Variants in MTCL1 observed in about 807,000 individuals in gnomAD.
MTCL1 encodes the protein microtubule cross-linking factor 1.
Under a neutral mutation model 141.4 loss-of-function variants are expected in MTCL1, and 79 were observed. The observed-to-expected ratio is 0.56, with a 90% CI of 0.47 to 0.67. MTCL1 has a LOEUF of 0.67. Ranked by LOEUF, MTCL1 falls within the 30% of genes least tolerant of loss-of-function variation. The probability of loss-of-function intolerance (pLI) is 0.00; values close to 1 mark genes in which losing one functional copy is unlikely to be tolerated. For missense variants in MTCL1, 2,177 were observed against 2,113.9 expected, an observed-to-expected ratio of 1.03 and a Z score of -0.59; for synonymous variants, 914 against 875.8, an observed-to-expected ratio of 1.04 and a Z score of -0.77.
At chr18:8,805,647 G>T (rs149590846) in intron 10 of MTCL1, among the ~76,000 whole-genome samples, 5 of 152,286 alleles carry the variant, frequency 3.3e-5, no homozygotes, top group Non-Finnish European at 7.4e-5. Flanking sequence ...GGGAGGAGAG[G>T]TTTATCAAGT....
intron 7 of MTCL1, 43 bp downstream of exon 6, chr18:8,786,134 CT>C: frequency 6.5e-7 from 1 of 1,529,130 alleles, no homozygotes; most frequent in Non-Finnish European, 8.8e-7. Context: ...CCTCCCCCTC[CT>C]TTTTCTGTGT....
rs117653555 is a variant in MTCL1, at chr18:8,811,612, T to G, written c.2605-1367T>G. On this transcript the variant is annotated intron_variant, in intron 11 of 16. Coordinates refer to ENST00000359865, the Ensembl canonical transcript of MTCL1. ...ATCAGCTATGAATTATTTTAGTGGG[T>G]CTTGAAGTAACTCATTTTAAGAAAG... is the stretch of plus-strand genomic sequence containing the variant. 1.6e-3 allele frequency among the ~76,000 whole-genome samples: 248 copies of G among 152,258 alleles called. 6 individuals carry two copies. The East Asian group carries it at 0.04, about 25-fold the overall frequency.
intron 3 of MTCL1, among the ~76,000 whole-genome samples, chr18:8,719,746 T>C (rs1025184797): frequency 1.3e-5 from 2 of 152,048 alleles, no homozygotes; most frequent in Admixed American, 1.3e-4. Flanking sequence ...ATTTTTATAA[T>C]TTTTTTAGAG....
rs910065756 is a variant in MTCL1 at position 8,706,456 on chromosome 18, C to T, written c.796C>T (p.Pro266Ser). Residue 266 changes from proline (P) to serine (S), a missense_variant, in exon 1 of 14, where the codon CCC (proline) becomes TCC (serine). By Grantham distance (74) the Pro-to-Ser change is moderately conservative (BLOSUM62 -1). Transcript: ENST00000306329. ...AGGAGCGCCGCCGGGCAGCCCCGAG[C>T]CCCCAGCGCTCCTCGCCGCGCCCCT... is the stretch of plus-strand genomic sequence containing the variant. 9 of 1,236,300 alleles carry T rather than the reference C, an allele frequency of 7.3e-6. No individual in the cohort carries two copies. The African/African-American group carries it at 9.4e-5, about 13-fold the overall frequency. The allele number at this position is 1,236,300 out of a possible 1,614,324, so 76.6% of individuals were successfully genotyped here. A position where few individuals can be genotyped will look rare whatever the true frequency, so the allele number is the denominator to read the frequency against.
intron 12 of MTCL1, among the ~76,000 whole-genome samples, chr18:8,817,975 C>T (rs117471417): frequency 2.1e-3 from 318 of 152,294 alleles, no homozygotes; most frequent in Non-Finnish European, 3.5e-3. Context: ...GGAGGCCGTG[C>T]GCCCTGCAAG....
chr18:8,808,827 G>C (rs2076387603), intron 11 of MTCL1, among the ~76,000 whole-genome samples: 1 of 152,194 alleles, frequency 6.6e-6, no homozygotes. Flanking sequence ...TGCAGTGGGG[G>C]GACCTAGACA....
rs139835059 is a variant in MTCL1, at chr18:8,769,085, G to A, written c.358-8748G>A. Among the ~76,000 whole-genome samples the A allele has an allele frequency of 9.7e-3, 1,479 of 152,226 alleles. 26 individuals are homozygous for A. Among genetic ancestry groups the A allele is most frequent in the African/African-American group, 0.034 (1,404 of 41,528 alleles). ...GCGGGGAATACAGGCATGAGCCAGC[G>A]CGCCTGGCCAGGAACAGAATATTTT... On this transcript the variant is annotated intron_variant, in intron 4 of 16. Transcript: ENST00000359865.
At chr18:8,715,018 G>A (rs528156142), upstream of MTCL1, among the ~76,000 whole-genome samples, 2 of 152,226 alleles carry the variant, frequency 1.3e-5, no homozygotes, top group Non-Finnish European at 2.9e-5. Context: ...GGATGGTCTT[G>A]ATCTCCTGAC....
At chr18:8,774,393 T>C (rs1186573003) in intron 4 of MTCL1, among the ~76,000 whole-genome samples, 5 of 152,226 alleles carry the variant, frequency 3.3e-5, no homozygotes, top group Admixed American at 2.6e-4. Flanking sequence ...TATTTTATGC[T>C]GATCTTCAAT....
chr18:8,825,446 T>C (rs1568111672), exon 15 of MTCL1: 1 of 1,572,222 alleles, frequency 6.4e-7, no homozygotes, highest in Non-Finnish European at 8.7e-7. Flanking sequence ...GCCAGACCAA[T>C]GGGTCCCGGA....
chr18:8,728,290 C>T (rs1037916384), intron 4 of MTCL1, among the ~76,000 whole-genome samples: 1 of 152,086 alleles, frequency 6.6e-6, no homozygotes, highest in Non-Finnish European at 1.5e-5. Flanking sequence ...TCTTTTAATA[C>T]ATCCTTCAGC....
At chr18:8,737,094 C>G (rs562029339) in intron 4 of MTCL1, among the ~76,000 whole-genome samples, 1 of 152,280 alleles carries the variant, frequency 6.6e-6, no homozygotes, top group Admixed American at 6.5e-5. Flanking sequence ...TGCAGTGTTC[C>G]TATGAGCTGC....
At position 8,809,654 on chromosome 18, in the gene MTCL1, G is replaced by T. The variant is rs1037090745; in HGVS notation, c.2604+2594G>T. 3.0e-5 allele frequency: 45 copies of T among 1,501,560 alleles called. No homozygotes were observed. The African/African-American group carries it at 6.0e-4, about 20-fold the overall frequency. 93.0% of individuals were successfully genotyped at this position (1,501,560 alleles called of 1,614,324 possible). ...AAACGGAGCAAGTAGAGAGTGGCCGGGCCTGGTGGCCGGTTCATGAGACGC... is the reference window on the plus strand; with the variant it reads ...AAACGGAGCAAGTAGAGAGTGGCCGTGCCTGGTGGCCGGTTCATGAGACGC... On this transcript the variant is annotated intron_variant, in intron 11 of 16. Coordinates refer to ENST00000359865, the Ensembl canonical transcript of MTCL1.
intron 4 of MTCL1, among the ~76,000 whole-genome samples, chr18:8,757,416 C>T (rs1425697135): frequency 6.6e-6 from 1 of 152,176 alleles, no homozygotes; most frequent in Non-Finnish European, 1.5e-5. Flanking sequence ...GGAGACCCCC[C>T]AGACTTTGTA....
rs139345078 is a variant in MTCL1, at chr18:8,729,111, A to G, written c.357+8615A>G. Reference sequence around the variant, plus strand: ...CAGGCTGGAGTCCAGTGGTGTGATCACAGCTCAAGGCAGCCTGGACCTCCT... The same window carrying G: ...CAGGCTGGAGTCCAGTGGTGTGATCGCAGCTCAAGGCAGCCTGGACCTCCT... On this transcript the variant is annotated intron_variant, in intron 4 of 16. Transcript: ENST00000359865. 1.2e-3 allele frequency among the ~76,000 whole-genome samples: 190 copies of G among 152,106 alleles called. 1 individual carries two copies. The highest frequency in any genetic ancestry group is 4.5e-3 in the African/African-American group (185 of 41,484).
At chr18:8,711,625 T>C (rs1376631347) in intron 1 of MTCL1, among the ~76,000 whole-genome samples, 1 of 151,994 alleles carries the variant, frequency 6.6e-6, no homozygotes, top group Non-Finnish European at 1.5e-5. Flanking sequence ...TTGATTTGCA[T>C]TTCTCTGATG....
At chr18:8,777,846 G>T (rs1598611553) in exon 5 of MTCL1, 1 of 1,613,726 alleles carries the variant, frequency 6.2e-7, no homozygotes, top group South Asian at 1.1e-5. Flanking sequence ...TCCCTAAAAA[G>T]AAGAAGCACT....
At chr18:8,783,827 A>G in exon 6 of MTCL1, 3 of 1,613,276 alleles carry the variant, frequency 1.9e-6, no homozygotes, top group South Asian at 1.1e-5. Flanking sequence ...CAAGGCAGAG[A>G]TGGAGGACAT....
At chr18:8,803,765 C>G (rs2076202148) in intron 10 of MTCL1, among the ~76,000 whole-genome samples, 1 of 152,214 alleles carries the variant, frequency 6.6e-6, no homozygotes, top group Admixed American at 6.5e-5. Context: ...TTTGATTACT[C>G]TGATGCAAAT....
Sources: allele counts gnomAD v4.1 joint callset (sites outside exome capture counted in the v4.1 genomes callset), GRCh38; gene constraint gnomAD v4.1.1; transcripts MANE v1.5; gene names NCBI Gene and HGNC (gene_info 2026-07-23, HGNC 2026-07-21).